FAM107B: variants seen among roughly 807,000 people sequenced by gnomAD.
FAM107B encodes protein FAM107B.
In FAM107B, 21 loss-of-function variants were observed where a neutral mutation model predicts 31.5. That is an observed-to-expected ratio of 0.67 (90% CI 0.47 to 0.96). The LOEUF is 0.96. FAM107B is among the 40% of genes least tolerant of loss of function. FAM107B has a pLI of 0.00. For missense variants in FAM107B, 452 were observed against 377.1 expected (o/e 1.20, Z -1.64); for synonymous variants, 157 against 141.5 (o/e 1.11, Z -0.78).
chr10:14,730,468 G>A (rs1213565337), intron 1 of FAM107B, among the ~76,000 whole-genome samples: 2 of 152,206 alleles, frequency 1.3e-5, no homozygotes, highest in Admixed American at 6.5e-5. Context: ...AAGAGCATTA[G>A]GAAGCCCAGG....
chr10:14,698,578 C>T (rs956083404), intron 1 of FAM107B, among the ~76,000 whole-genome samples: 1 of 152,338 alleles, frequency 6.6e-6, no homozygotes, highest in South Asian at 2.1e-4. Context: ...GAGAAACATG[C>T]TGTCACACTC....
At position 14,748,336 on chromosome 10, in the gene FAM107B, AT is replaced by A. The variant is rs1348016401; in HGVS notation, c.411+25916del. On this transcript the variant is annotated intron_variant, in intron 1 of 4. Coordinates refer to ENST00000181796, the MANE Select transcript of FAM107B (RefSeq NM_031453.4). The stretch of plus-strand genomic sequence containing the variant: ...TAATAGAGGGTAGTGGACATCTGTC[AT>A]TCTTTTTGGCCACCTAGTATCTGAA... Among the ~76,000 whole-genome samples, 4 of 152,296 alleles carry A rather than the reference AT, an allele frequency of 2.6e-5. No individual in the cohort carries two copies. In the East Asian group the frequency reaches 7.7e-4, roughly 29 times the overall value.
At chr10:14,638,462 C>G (rs997759527) in intron 2 of FAM107B, among the ~76,000 whole-genome samples, 1 of 152,156 alleles carries the variant, frequency 6.6e-6, no homozygotes, top group Non-Finnish European at 1.5e-5. Context: ...TGGCATGCAG[C>G]CTTTAAGTTT....
intron 2 of FAM107B, among the ~76,000 whole-genome samples, chr10:14,576,498 G>A (rs1041882354): frequency 1.3e-5 from 2 of 151,912 alleles, no homozygotes; most frequent in Non-Finnish European, 2.9e-5. Context: ...TTGCACTCCA[G>A]CCTAGGCAAC....
chr10:14,533,195 G>C (rs1228229486), intron 2 of FAM107B, among the ~76,000 whole-genome samples: 2 of 152,178 alleles, frequency 1.3e-5, no homozygotes, highest in Non-Finnish European at 2.9e-5. Flanking sequence ...CAGGGCGGCA[G>C]ATGCAAAGGT....
intron 2 of FAM107B, among the ~76,000 whole-genome samples, chr10:14,662,812 T>C (rs1232880201): frequency 1.3e-5 from 2 of 152,150 alleles, no homozygotes; most frequent in African/African-American, 2.4e-5. Flanking sequence ...ATGGTTAATA[T>C]TGAGTGTCAA....
chr10:14,537,912 T>C (rs1847806881), intron 2 of FAM107B, among the ~76,000 whole-genome samples: 1 of 151,614 alleles, frequency 6.6e-6, no homozygotes. Context: ...CATCACCTGC[T>C]ATTAGCGCTG....
At chr10:14,706,942 C>T (rs753271897) in intron 1 of FAM107B, among the ~76,000 whole-genome samples, 4 of 152,018 alleles carry the variant, frequency 2.6e-5, no homozygotes, top group African/African-American at 7.2e-5. Context: ...CTGGCTAACA[C>T]GGTGAAACCC....
At chr10:14,611,295 A>T (rs984337931) in intron 2 of FAM107B, among the ~76,000 whole-genome samples, 1 of 152,116 alleles carries the variant, frequency 6.6e-6, no homozygotes, top group Non-Finnish European at 1.5e-5. Flanking sequence ...ATATGAAGAT[A>T]ATTTCTGTAA....
chr10:14,663,846 T>C (rs17259985), intron 2 of FAM107B, among the ~76,000 whole-genome samples: 36,719 of 126,194 alleles, frequency 0.29, 5,297 homozygotes, highest in Middle Eastern at 0.43. Context: ...ATTATAGAAC[T>C]CAGGATGAAG....
At chr10:14,557,087 T>A (rs926024900) in intron 2 of FAM107B, among the ~76,000 whole-genome samples, 9 of 152,216 alleles carry the variant, frequency 5.9e-5, no homozygotes, top group African/African-American at 1.7e-4. Context: ...CTTCCTCACC[T>A]TCTCAGTCTG....
intron 1 of FAM107B, chr10:14,723,924 A>T (rs1466743515): frequency 2.7e-6 from 2 of 751,760 alleles, no homozygotes; most frequent in Admixed American, 3.4e-5. Flanking sequence ...TGTAGATGCC[A>T]TCACTTTTCC....
intron 2 of FAM107B, among the ~76,000 whole-genome samples, chr10:14,599,659 T>G (rs11259214): frequency 0.13 from 19,621 of 152,078 alleles, 1,351 homozygotes; most frequent in Middle Eastern, 0.2. Flanking sequence ...AAAAAAGATA[T>G]GCTTAACTCA....
chr10:14,752,545 AG>A (rs1832850791), intron 1 of FAM107B, among the ~76,000 whole-genome samples: 1 of 152,224 alleles, frequency 6.6e-6, no homozygotes, highest in African/African-American at 2.4e-5. Context: ...TCCTGATGTA[AG>A]TGAACCACGC....
At chr10:14,665,926 A>G (rs1854393263) in intron 2 of FAM107B, among the ~76,000 whole-genome samples, 5 of 152,172 alleles carry the variant, frequency 3.3e-5, no homozygotes, top group Non-Finnish European at 7.3e-5. Flanking sequence ...ATATCGCAGA[A>G]ATCTAAAATA....
chr10:14,571,397 A>G (rs1353357158), intron 2 of FAM107B, among the ~76,000 whole-genome samples: 2 of 152,226 alleles, frequency 1.3e-5, no homozygotes, highest in African/African-American at 2.4e-5. Context: ...ATGCATAATT[A>G]TCAGGATCCT....
chr10:14,762,691 G>T (rs1010808706), intron 1 of FAM107B, among the ~76,000 whole-genome samples: 1 of 150,720 alleles, frequency 6.6e-6, no homozygotes, highest in African/African-American at 2.4e-5. Flanking sequence ...GGGAGGCAGA[G>T]GTTGCAGTGA....
chr10:14,724,079 T>A (rs747007617), intron 1 of FAM107B: 45 of 646,618 alleles, frequency 7.0e-5, no homozygotes, highest in Admixed American at 1.8e-4. Flanking sequence ...CTTTAAGTTA[T>A]GATGGGAATC....
chr10:14,653,987 G>T (rs1172134461), intron 2 of FAM107B: 1 of 152,138 alleles, frequency 6.6e-6, no homozygotes, highest in East Asian at 1.9e-4. Context: ...TTATTTGTTT[G>T]TGTTTCTTCC....
Sources: gnomAD v4.1 joint callset for allele counts (sites outside exome capture counted in the v4.1 genomes callset) on GRCh38, gnomAD v4.1.1 for gene constraint, MANE v1.5 for transcripts, NCBI Gene and HGNC (gene_info 2026-07-23, HGNC 2026-07-21) for gene names.